The following MDGA2 variants were observed in gnomAD, a reference collection of about 807,000 sequenced individuals.
MDGA2 encodes MAM domain-containing glycosylphosphatidylinositol anchor protein 2.
A neutral mutation model predicts 117.8 loss-of-function variants in MDGA2; 40 were observed. The ratio of observed to expected loss-of-function variants is 0.34; its 90% CI spans 0.26 to 0.44. The LOEUF (loss-of-function observed/expected upper bound fraction) is 0.44. Ranked by LOEUF, MDGA2 falls within the 20% of genes least tolerant of loss-of-function variation. The probability of loss-of-function intolerance (pLI) is 1.00; values close to 1 mark genes in which losing one functional copy is unlikely to be tolerated. For missense variants in MDGA2, 1,123 were observed against 1,250.6 expected (o/e 0.90, Z 1.54); for synonymous variants, 452 against 439.0 (o/e 1.03, Z -0.37).
intron 9 of MDGA2, among the ~76,000 whole-genome samples, chr14:46,940,774 A>G (rs1884969503): frequency 6.6e-6 from 1 of 152,158 alleles, no homozygotes; most frequent in Non-Finnish European, 1.5e-5. Context: ...TGAATGTTCA[A>G]TGGTGTACTT....
intron 2 of MDGA2, among the ~76,000 whole-genome samples, chr14:47,266,202 C>T (rs1356325374): frequency 6.6e-6 from 1 of 152,160 alleles, no homozygotes; most frequent in Non-Finnish European, 1.5e-5. Context: ...CTCCCAAGCC[C>T]ATTCTTTATT....
chr14:47,606,527 G>A (rs745343487), intron 1 of MDGA2, among the ~76,000 whole-genome samples: 15 of 152,072 alleles, frequency 9.9e-5, no homozygotes, highest in Non-Finnish European at 1.6e-4. Flanking sequence ...CCATCAGTAG[G>A]GGTAATTGAG....
intron 8 of MDGA2, among the ~76,000 whole-genome samples, chr14:46,997,587 C>A (rs539939246): frequency 2.0e-5 from 3 of 152,200 alleles, no homozygotes; most frequent in African/African-American, 7.2e-5. Context: ...AACCCACTAA[C>A]CCCTGCCTAT....
chr14:47,649,513 C>T (rs111893034), intron 1 of MDGA2, among the ~76,000 whole-genome samples: 9,863 of 152,076 alleles, frequency 0.065, 1,059 homozygotes, highest in African/African-American at 0.22. Context: ...AGTGAAACCC[C>T]GTCTCTACCA....
chr14:47,244,226 C>A (rs1295903272), intron 2 of MDGA2, among the ~76,000 whole-genome samples: 2 of 151,610 alleles, frequency 1.3e-5, no homozygotes, highest in East Asian at 1.9e-4. Flanking sequence ...ATGAATAATA[C>A]CCAATGTATT....
chr14:47,607,790 T>C (rs1896768602), intron 1 of MDGA2, among the ~76,000 whole-genome samples: 1 of 152,138 alleles, frequency 6.6e-6, no homozygotes. Context: ...GCAAACTTAA[T>C]TCAGTATGTT....
At chr14:46,853,629 AAAC>A (rs1217797788) in intron 15 of MDGA2, among the ~76,000 whole-genome samples, 21 of 151,788 alleles carry the variant, frequency 1.4e-4, no homozygotes, top group Admixed American at 9.9e-4. Context: ...TCTAAAAAAA[AAAC>A]AACAAGGATG....
intron 8 of MDGA2, among the ~76,000 whole-genome samples, chr14:47,009,310 A>G (rs1248238531): frequency 6.6e-6 from 1 of 152,092 alleles, no homozygotes. Flanking sequence ...AAAGTTAGCC[A>G]ATTTAATATG....
At chr14:47,532,417 C>T (rs1179449583) in intron 1 of MDGA2, among the ~76,000 whole-genome samples, 1 of 152,172 alleles carries the variant, frequency 6.6e-6, no homozygotes, top group Non-Finnish European at 1.5e-5. Context: ...ACTAAGTCCA[C>T]TGCATTTTAC....
intron 1 of MDGA2, among the ~76,000 whole-genome samples, chr14:47,634,263 A>G (rs1406085469): frequency 6.6e-6 from 1 of 152,182 alleles, no homozygotes; most frequent in African/African-American, 2.4e-5. Context: ...CATCAAATGC[A>G]GCCCTTAAAA....
chr14:47,209,087 G>C (rs918892619), intron 3 of MDGA2, among the ~76,000 whole-genome samples: 1 of 151,618 alleles, frequency 6.6e-6, no homozygotes, highest in African/African-American at 2.4e-5. Flanking sequence ...TTAGTGAGAG[G>C]GCTAATGAAT....
intron 1 of MDGA2, among the ~76,000 whole-genome samples, chr14:47,465,740 A>G (rs1893590259): frequency 6.6e-6 from 1 of 152,186 alleles, no homozygotes; most frequent in South Asian, 2.1e-4. Context: ...TAGGAGTGAA[A>G]ATAGTTCAAC....
At position 47,456,649 on chromosome 14, in the gene MDGA2, T is replaced by G. The variant is rs138508955; in HGVS notation, c.281-155099A>C. On this transcript the variant is annotated intron_variant, in intron 1 of 16. Transcript: ENST00000399232. ...GTTATATAGGTGTGAAACTATAAGA[T>G]AGTGGACAAATCATTAGACAAGTGG... Among the ~76,000 whole-genome samples the G allele has an allele frequency of 9.2e-5, 14 of 152,214 alleles. No homozygotes were observed. In the East Asian group the frequency reaches 2.5e-3, roughly 27 times the overall value.
chr14:47,516,345 C>CA (rs1218426657), intron 1 of MDGA2, among the ~76,000 whole-genome samples: 1 of 152,168 alleles, frequency 6.6e-6, no homozygotes, highest in African/African-American at 2.4e-5. Flanking sequence ...ACCTTCTCAG[C>CA]ATGTAATCCC....
intron 2 of MDGA2, among the ~76,000 whole-genome samples, chr14:47,287,755 G>A (rs1470275701): frequency 1.3e-5 from 2 of 152,106 alleles, no homozygotes; most frequent in African/African-American, 2.4e-5. Flanking sequence ...ACCTCACAAC[G>A]TGATGTTACT....
At chr14:46,982,734 A>AAAAAAAT (rs1449356596) in intron 8 of MDGA2, among the ~76,000 whole-genome samples, 10 of 130,322 alleles carry the variant, frequency 7.7e-5, no homozygotes, top group African/African-American at 1.4e-4. Flanking sequence ...AAAAAAAAAA[A>AAAAAAAT]AATCATGTCA....
At chr14:47,157,219 C>A (rs755218689) in intron 3 of MDGA2, among the ~76,000 whole-genome samples, 1 of 152,064 alleles carries the variant, frequency 6.6e-6, no homozygotes, top group Non-Finnish European at 1.5e-5. Context: ...TTTGATCATT[C>A]ATAATAAAAG....
intron 2 of MDGA2, among the ~76,000 whole-genome samples, chr14:47,283,746 T>A (rs992340126): frequency 8.5e-5 from 13 of 152,300 alleles, no homozygotes; most frequent in East Asian, 7.7e-4. Flanking sequence ...GTGCTATTTT[T>A]AAAAAATAAT....
intron 4 of MDGA2, 33 bp from the exon 5 acceptor site, chr14:47,131,879 G>C: frequency 6.7e-7 from 1 of 1,492,312 alleles, no homozygotes; most frequent in South Asian, 1.3e-5. Flanking sequence ...AAAGTCATTA[G>C]AAAAAGCCAA....
Sources: allele counts gnomAD v4.1 joint callset (sites outside exome capture counted in the v4.1 genomes callset), GRCh38; gene constraint gnomAD v4.1.1; transcripts MANE v1.5; gene names NCBI Gene and HGNC (gene_info 2026-07-23, HGNC 2026-07-21).